The following EDEM2 variants were observed in gnomAD, a reference collection of about 807,000 sequenced individuals.
EDEM2 encodes the protein ER degradation-enhancing alpha-mannosidase-like protein 2.
A neutral mutation model predicts 64.8 loss-of-function variants in EDEM2; 39 were observed. The ratio of observed to expected loss-of-function variants is 0.60; its 90% CI spans 0.47 to 0.79. The LOEUF is 0.79. EDEM2 is among the 30% of genes least tolerant of loss of function. EDEM2 has a pLI of 0.00. For synonymous variants in EDEM2, 296 were observed against 291.5 expected (o/e 1.02, Z -0.16); for missense variants, 609 against 731.3 (o/e 0.83, Z 1.93).
At chr20:35,135,072 T>C in intron 5 of EDEM2, 123 bp from the exon 6 acceptor site, 1 of 966,614 alleles carries the variant, frequency 1.0e-6, no homozygotes. Flanking sequence ...CCTGCTAGAG[T>C]CTGAGCCAGA....
intron 6 of EDEM2, among the ~76,000 whole-genome samples, chr20:35,132,754 T>C (rs1039062035): frequency 6.6e-6 from 1 of 152,332 alleles, no homozygotes; most frequent in Admixed American, 6.5e-5. Flanking sequence ...GTCAGGCTGG[T>C]CTCGAACTCC....
At chr20:35,129,535 C>T (rs1222629199) in intron 7 of EDEM2, among the ~76,000 whole-genome samples, 3 of 147,124 alleles carry the variant, frequency 2.0e-5, no homozygotes, top group Non-Finnish European at 4.5e-5. Context: ...CATGCCACTG[C>T]ACTCCAGCCT....
At chr20:35,116,345 T>C (rs1468408539) in intron 10 of EDEM2, among the ~76,000 whole-genome samples, 1 of 152,140 alleles carries the variant, frequency 6.6e-6, no homozygotes, top group Non-Finnish European at 1.5e-5. Context: ...CTGTCAATTC[T>C]CTACTCACAA....
intron 4 of EDEM2, among the ~76,000 whole-genome samples, chr20:35,138,761 T>A (rs1287723445): frequency 6.6e-6 from 1 of 151,708 alleles, no homozygotes; most frequent in African/African-American, 2.4e-5. Context: ...TTTGGATTTT[T>A]TTTTTGTAGA....
Position 35,120,600 on chromosome 20 carries a change from T to C in EDEM2, c.1115-1881A>G, listed in dbSNP as rs1381133660. Among the ~76,000 whole-genome samples, 42 of 145,100 alleles carry C rather than the reference T, an allele frequency of 2.9e-4. 1 individual carries two copies. Among genetic ancestry groups the C allele is most frequent in the Admixed American group, 2.1e-3 (31 of 14,732 alleles). On this transcript the variant is annotated intron_variant, in intron 9 of 10. Transcript: ENST00000374492. ...TTCTTTTTTCGGCTTCTTCTTTTTTTTTTTTTTTTTTTTTTGAGAGGGAGT... is the reference window on the plus strand; with the variant it reads ...TTCTTTTTTCGGCTTCTTCTTTTTTCTTTTTTTTTTTTTTTGAGAGGGAGT...
chr20:35,128,286 G>GATCA (rs1307817878), intron 7 of EDEM2, among the ~76,000 whole-genome samples: 35 of 150,694 alleles, frequency 2.3e-4, no homozygotes, highest in African/African-American at 4.7e-4. Flanking sequence ...GGGAGGCTGA[G>GATCA]GCAGGAGAAT....
chr20:35,135,434 T>A (rs570130764), intron 5 of EDEM2, among the ~76,000 whole-genome samples: 1 of 152,326 alleles, frequency 6.6e-6, no homozygotes, highest in South Asian at 2.1e-4. Flanking sequence ...GCAGATCACT[T>A]GAGGCCAGGA....
chr20:35,140,120 C>T (rs1363228810), intron 4 of EDEM2, among the ~76,000 whole-genome samples: 3 of 152,104 alleles, frequency 2.0e-5, no homozygotes, highest in African/African-American at 4.8e-5. Context: ...CACACACCTG[C>T]ATTAAAGGAA....
intron 8 of EDEM2, among the ~76,000 whole-genome samples, chr20:35,125,876 AAAC>A (rs1382978737): frequency 6.6e-6 from 1 of 152,186 alleles, no homozygotes; most frequent in Non-Finnish European, 1.5e-5. Context: ...TGTAATGGAA[AAAC>A]AACGAGATGG....
Position 35,115,756 on chromosome 20 carries a change from T to C in EDEM2, c.1414A>G (p.Ile472Val). 1 of 1,614,202 alleles carries C rather than the reference T, an allele frequency of 6.2e-7. No individual in the cohort carries two copies. Among genetic ancestry groups the C allele is most frequent in the East Asian group, 2.2e-5 (1 of 44,882 alleles). Residue 472 changes from isoleucine to valine, a missense_variant, in exon 11 of 11, where the codon ATC becomes GTC. Transcript: ENST00000374492. ...GECILGAGGY[I>V]FNTEAHPIDP... The stretch of plus-strand genomic sequence containing the variant: ...ATGGGGTGAGCTTCTGTGTTGAAGA[T>C]GTACCCCCCAGCCCCCAGGATGCAC...
intron 9 of EDEM2, 128 bp from the exon 10 acceptor site, chr20:35,118,847 G>A: frequency 7.4e-7 from 1 of 1,343,014 alleles, no homozygotes. Flanking sequence ...AGGAACACAG[G>A]ATACCTCACC....
Position 35,147,167 on chromosome 20 carries a change from T to TCTGGCGCGGAGCCGTCGGGAC in EDEM2, c.71_91dup (p.Gly24_Pro30dup). 1 of 1,602,414 alleles carries TCTGGCGCGGAGCCGTCGGGAC rather than the reference T, an allele frequency of 6.2e-7. No individual in the cohort carries two copies. The highest frequency in any genetic ancestry group is 8.5e-7 in the Non-Finnish European group (1 of 1,173,156). On this transcript the variant is annotated inframe_insertion, in exon 1 of 11. Coordinates refer to ENST00000374492, the MANE Select transcript of EDEM2 (RefSeq NM_018217.3). ...CACAGTTCACCTGTAGTGGGCGGGA[T>TCTGGCGCGGAGCCGTCGGGAC]CTGGCGCGGAGCCGTCGGGACCTGG...
At chr20:35,116,072 A>T in intron 10 of EDEM2, 139 bp from the exon 11 acceptor site, 1 of 892,680 alleles carries the variant, frequency 1.1e-6, no homozygotes, top group Non-Finnish European at 1.7e-6. Context: ...TCAGAACTTC[A>T]CTCTTTCCCA....
At chr20:35,139,215 T>A (rs962403487) in intron 4 of EDEM2, among the ~76,000 whole-genome samples, 1 of 151,872 alleles carries the variant, frequency 6.6e-6, no homozygotes. Flanking sequence ...CTGGGCGTGG[T>A]GGCAAGCGCC....
intron 9 of EDEM2, among the ~76,000 whole-genome samples, chr20:35,119,947 G>A (rs544850757): frequency 1.3e-5 from 2 of 152,282 alleles, no homozygotes; most frequent in South Asian, 4.1e-4. Context: ...AAGAACCCCT[G>A]TCTCCTTTCT....
At chr20:35,146,002 CAAA>C (rs138113879) in intron 2 of EDEM2, among the ~76,000 whole-genome samples, 5,845 of 82,696 alleles carry the variant, frequency 0.071, 264 homozygotes, top group African/African-American at 0.24. Context: ...AACTCCATCT[CAAA>C]AAAAAAAAAA....
chr20:35,130,468 G>A (rs761439475), intron 7 of EDEM2, among the ~76,000 whole-genome samples: 1 of 152,176 alleles, frequency 6.6e-6, no homozygotes, highest in Non-Finnish European at 1.5e-5. Context: ...TAGAAGTTAT[G>A]TGAATTTGTC....
chr20:35,129,598 AG>A (rs1286355200), intron 7 of EDEM2, among the ~76,000 whole-genome samples: 2 of 151,808 alleles, frequency 1.3e-5, no homozygotes, highest in Non-Finnish European at 2.9e-5. Flanking sequence ...TTATTACTGG[AG>A]AAAGAAAAAA....
chr20:35,134,486 A>G (rs867918510), intron 6 of EDEM2, among the ~76,000 whole-genome samples: 20 of 152,186 alleles, frequency 1.3e-4, no homozygotes, highest in Non-Finnish European at 1.3e-4. Context: ...TCTTCCTAGA[A>G]ATCAGAGAAT....
Sources: gnomAD v4.1 joint callset for allele counts (sites outside exome capture counted in the v4.1 genomes callset) on GRCh38, gnomAD v4.1.1 for gene constraint, MANE v1.5 for transcripts, NCBI Gene and HGNC (gene_info 2026-07-23, HGNC 2026-07-21) for gene names.